The following ADAMTS20 variants were observed in gnomAD, a reference collection of about 807,000 sequenced individuals.
The protein encoded by ADAMTS20 is ADAM metallopeptidase with thrombospondin type 1 motif 20, also known as A disintegrin and metalloproteinase with thrombospondin motifs 20.
In ADAMTS20, 225 loss-of-function variants were observed where a neutral mutation model predicts 260.1. The observed-to-expected ratio is 0.87, with a 90% CI of 0.78 to 0.97. ADAMTS20 has a LOEUF of 0.97. Among genes scored for constraint, ADAMTS20 ranks in the 50% least tolerant of loss-of-function variants. The probability of loss-of-function intolerance (pLI) is 0.00; values close to 1 mark genes in which losing one functional copy is unlikely to be tolerated. For synonymous variants in ADAMTS20, 802 were observed against 769.5 expected (o/e 1.04, Z -0.70); for missense variants, 2,400 against 2,337.7 (o/e 1.03, Z -0.55).
intron 7 of ADAMTS20, among the ~76,000 whole-genome samples, chr12:43,478,460 A>T (rs911877368): frequency 1.3e-5 from 2 of 152,238 alleles, no homozygotes; most frequent in Non-Finnish European, 2.9e-5. Flanking sequence ...AAATAATAGG[A>T]TAAAATTTGA....
intron 29 of ADAMTS20, among the ~76,000 whole-genome samples, chr12:43,385,417 T>C (rs532845856): frequency 1.3e-5 from 2 of 152,180 alleles, no homozygotes; most frequent in Non-Finnish European, 2.9e-5. Context: ...ACGCTGATGA[T>C]AGTTTATTTT....
chr12:43,354,224 T>A lies in ADAMTS20; in HGVS notation c.5718A>T (p.Pro1906=). 1 of 1,587,962 alleles carries A rather than the reference T, an allele frequency of 6.3e-7. No individual in the cohort carries two copies. Among genetic ancestry groups the A allele is most frequent in the Middle Eastern group, 1.7e-4 (1 of 6,030 alleles). Residue 1906 remains proline (P), a synonymous_variant, in exon 39 of 39, where the codon CCA becomes CCT. Coordinates refer to ENST00000389420, the MANE Select transcript of ADAMTS20 (RefSeq NM_025003.5). ...KCLPHMTTGL[P]IQVI The stretch of plus-strand genomic sequence containing the variant: ...TTCTAAATGTTCATATGACTTGAAT[T>A]GGGAGACCAGTAGTCATGTGAGGAA...
At chr12:43,504,784 T>A (rs1231069338) in intron 3 of ADAMTS20, among the ~76,000 whole-genome samples, 1 of 152,074 alleles carries the variant, frequency 6.6e-6, no homozygotes, top group Non-Finnish European at 1.5e-5. Context: ...AAATTTCAGG[T>A]ATCTTTAGGT....
chr12:43,480,434 C>T (rs780781491), intron 7 of ADAMTS20, among the ~76,000 whole-genome samples: 4 of 152,066 alleles, frequency 2.6e-5, no homozygotes, highest in South Asian at 4.1e-4. Flanking sequence ...CAGTTCCTTT[C>T]GATATATACC....
intron 37 of ADAMTS20, among the ~76,000 whole-genome samples, chr12:43,364,322 C>T (rs1410224148): frequency 1.3e-5 from 2 of 152,082 alleles, no homozygotes; most frequent in African/African-American, 2.4e-5. Context: ...ATTTATGAGG[C>T]ATACAAAGCA....
intron 2 of ADAMTS20, among the ~76,000 whole-genome samples, chr12:43,533,242 C>A (rs1378589409): frequency 1.1e-4 from 15 of 136,836 alleles, no homozygotes; most frequent in African/African-American, 4.0e-4. Flanking sequence ...TTAATGATTG[C>A]CATTCTAACT....
chr12:43,373,925 C>A (rs1365476540), intron 36 of ADAMTS20, among the ~76,000 whole-genome samples: 2 of 151,690 alleles, frequency 1.3e-5, no homozygotes, highest in African/African-American at 4.8e-5. Flanking sequence ...GTGATCCGCC[C>A]GCCTCGGCCT....
chr12:43,513,796 C>A (rs1158762117), intron 3 of ADAMTS20, among the ~76,000 whole-genome samples: 2 of 151,452 alleles, frequency 1.3e-5, no homozygotes, highest in Non-Finnish European at 2.9e-5. Context: ...TCATTCTCAG[C>A]AAACTATTGC....
At chr12:43,368,253 T>G (rs1471219583) in intron 37 of ADAMTS20, among the ~76,000 whole-genome samples, 3 of 152,138 alleles carry the variant, frequency 2.0e-5, no homozygotes, top group African/African-American at 7.2e-5. Context: ...CTTACGATTA[T>G]ATTAGGTTGT....
intron 11 of ADAMTS20, among the ~76,000 whole-genome samples, chr12:43,459,643 T>G (rs994238395): frequency 6.6e-6 from 1 of 152,204 alleles, no homozygotes; most frequent in Non-Finnish European, 1.5e-5. Flanking sequence ...CCTAAAATAG[T>G]GCCTGACATA....
chr12:43,369,789 CA>C (rs1940067174), intron 36 of ADAMTS20, among the ~76,000 whole-genome samples: 1 of 152,088 alleles, frequency 6.6e-6, no homozygotes. Flanking sequence ...ACAGCACATA[CA>C]AAAATTCATT....
At chr12:43,497,577 A>G (rs977582607) in intron 4 of ADAMTS20, among the ~76,000 whole-genome samples, 1 of 152,158 alleles carries the variant, frequency 6.6e-6, no homozygotes, top group Non-Finnish European at 1.5e-5. Context: ...GAATATGCAG[A>G]GCACTAAATT....
chr12:43,411,735 T>C (rs1941036008), intron 28 of ADAMTS20, among the ~76,000 whole-genome samples: 1 of 152,194 alleles, frequency 6.6e-6, no homozygotes, highest in Non-Finnish European at 1.5e-5. Flanking sequence ...AAAACTTTTC[T>C]AGAATTTTTC....
chr12:43,514,557 T>C (rs1942971769), intron 3 of ADAMTS20, among the ~76,000 whole-genome samples: 1 of 77,018 alleles, frequency 1.3e-5, no homozygotes, highest in South Asian at 5.3e-4. Flanking sequence ...TGAGACTCTA[T>C]CTCAAAAAAA....
intron 7 of ADAMTS20, among the ~76,000 whole-genome samples, chr12:43,473,989 G>C (rs531773171): frequency 0.014 from 2,080 of 146,056 alleles, 49 homozygotes; most frequent in African/African-American, 0.049. Context: ...ACTAAAATCA[G>C]AGCAGAACTG....
intron 28 of ADAMTS20, among the ~76,000 whole-genome samples, chr12:43,413,141 A>C (rs992846815): frequency 6.6e-6 from 1 of 152,014 alleles, no homozygotes; most frequent in South Asian, 2.1e-4. Flanking sequence ...TATCAGTATA[A>C]ATTTTCTTTT....
At chr12:43,433,833 A>T (rs2137312635) in intron 19 of ADAMTS20, 1 of 463,734 alleles carries the variant, frequency 2.2e-6, no homozygotes, top group African/African-American at 2.0e-5. Flanking sequence ...CAAAATACTG[A>T]TAGAATGTCA....
At chr12:43,391,457 T>G (rs73083503) in intron 29 of ADAMTS20, among the ~76,000 whole-genome samples, 5,632 of 152,306 alleles carry the variant, frequency 0.037, 139 homozygotes, top group South Asian at 0.07. Flanking sequence ...CTTTCAACTC[T>G]AGGATGTCAC....
chr12:43,505,060 A>T (rs1396287821), intron 3 of ADAMTS20, among the ~76,000 whole-genome samples: 1 of 152,196 alleles, frequency 6.6e-6, no homozygotes, highest in Non-Finnish European at 1.5e-5. Context: ...TGCAATAGAG[A>T]CCCCAGATAT....
Sources: gnomAD v4.1 joint callset for allele counts (sites outside exome capture counted in the v4.1 genomes callset) on GRCh38, gnomAD v4.1.1 for gene constraint, MANE v1.5 for transcripts, NCBI Gene and HGNC (gene_info 2026-07-23, HGNC 2026-07-21) for gene names.